The following ZFPM2 variants were observed in gnomAD, a reference collection of about 807,000 sequenced individuals.
ZFPM2 encodes zinc finger protein ZFPM2.
ZFPM2 carries 20 observed loss-of-function variants against 98.6 expected under a neutral mutation model. That is an observed-to-expected ratio of 0.20 (90% CI 0.14 to 0.29). The LOEUF (loss-of-function observed/expected upper bound fraction) is 0.29. Ranked by LOEUF, ZFPM2 falls within the 10% of genes least tolerant of loss-of-function variation. ZFPM2 has a pLI of 1.00. For missense variants in ZFPM2, 1,310 were observed against 1,388.6 expected, an observed-to-expected ratio of 0.94 and a Z score of 0.90; for synonymous variants, 518 against 502.7, an observed-to-expected ratio of 1.03 and a Z score of -0.41.
chr8:105,762,624 A>G (rs1279907113), intron 5 of ZFPM2, among the ~76,000 whole-genome samples: 1 of 151,930 alleles, frequency 6.6e-6, no homozygotes, highest in African/African-American at 2.4e-5. Flanking sequence ...TCTATTCAGG[A>G]GTGTCGTTCA....
intron 5 of ZFPM2, among the ~76,000 whole-genome samples, chr8:105,672,318 TA>T (rs1162790254): frequency 6.6e-6 from 1 of 151,826 alleles, no homozygotes; most frequent in East Asian, 1.9e-4. Flanking sequence ...CATTTATAAA[TA>T]ATATATTGGC....
intron 5 of ZFPM2, among the ~76,000 whole-genome samples, chr8:105,724,701 G>C (rs941337589): frequency 6.6e-6 from 1 of 151,774 alleles, no homozygotes; most frequent in Admixed American, 6.6e-5. Flanking sequence ...AATTTCTCTA[G>C]ACTGTGAATG....
chr8:105,479,209 G>A (rs1184646120), intron 3 of ZFPM2, among the ~76,000 whole-genome samples: 1 of 152,120 alleles, frequency 6.6e-6, no homozygotes, highest in African/African-American at 2.4e-5. Flanking sequence ...AATTCAGACC[G>A]ATTTGTGGAA....
intron 5 of ZFPM2, among the ~76,000 whole-genome samples, chr8:105,730,430 T>A (rs1811902561): frequency 6.6e-6 from 1 of 151,762 alleles, no homozygotes; most frequent in Non-Finnish European, 1.5e-5. Context: ...ATTTCTGCCT[T>A]CAGTTCAGTG....
In ZFPM2 at chr8:105,804,237, C is replaced by A. The variant is rs1427527269; in HGVS notation, c.*699C>A. 6.6e-6 allele frequency: 1 copy of A among 152,512 alleles called. No individual in the cohort carries two copies. Among genetic ancestry groups the A allele is most frequent in the Admixed American group, 6.6e-5 (1 of 15,258 alleles). The allele number at this position is 152,512 out of a possible 1,614,324, so 9.4% of individuals were successfully genotyped here. A position where few individuals can be genotyped will look rare whatever the true frequency, so the allele number is the denominator to read the frequency against. ...ATGCAGCTCTGTCTCAATTTTTAAACCTTTGCTGTTAAATGCAATACTTTA... is the reference window on the plus strand; with the variant it reads ...ATGCAGCTCTGTCTCAATTTTTAAAACTTTGCTGTTAAATGCAATACTTTA... On this transcript the variant is annotated 3_prime_UTR_variant, in exon 8 of 8. Transcript: ENST00000407775.
chr8:105,494,104 C>A (rs1813409683), intron 3 of ZFPM2, among the ~76,000 whole-genome samples: 1 of 148,518 alleles, frequency 6.7e-6, no homozygotes, highest in Non-Finnish European at 1.5e-5. Context: ...TCCTGGTGAT[C>A]TCACCCATAT....
rs146628859 is a variant in ZFPM2 at position 105,602,462 on chromosome 8, T to C, written c.421-31784T>C. On this transcript the variant is annotated intron_variant, in intron 4 of 7. Transcript: ENST00000407775. The stretch of plus-strand genomic sequence containing the variant: ...GCCGAATTATAACTGTTCCCACTTA[T>C]GTTCCCTACCTGACCTTCTCTAGAA... Among the ~76,000 whole-genome samples, 10 of 152,278 alleles carry C rather than the reference T, an allele frequency of 6.6e-5. No individual in the cohort carries two copies. In the East Asian group the frequency reaches 1.2e-3, roughly 18 times the overall value.
At chr8:105,728,349 A>T (rs1433804694) in intron 5 of ZFPM2, among the ~76,000 whole-genome samples, 1 of 151,724 alleles carries the variant, frequency 6.6e-6, no homozygotes, top group African/African-American at 2.4e-5. Context: ...CAGTGGCTTA[A>T]AACAATTTAT....
chr8:105,547,542 C>CAAAAAA (rs148322534), intron 3 of ZFPM2, among the ~76,000 whole-genome samples: 8 of 47,178 alleles, frequency 1.7e-4, no homozygotes, highest in African/African-American at 3.0e-4. Context: ...AACTCCATCT[C>CAAAAAA]AAAAAAAAAA....
intron 3 of ZFPM2, among the ~76,000 whole-genome samples, chr8:105,541,570 G>A (rs890685740): frequency 6.6e-6 from 1 of 152,106 alleles, no homozygotes; most frequent in Non-Finnish European, 1.5e-5. Flanking sequence ...TACTTTCTGA[G>A]GGAACTGAAA....
chr8:105,663,206 G>C (rs1817425968), intron 5 of ZFPM2, among the ~76,000 whole-genome samples: 2 of 152,158 alleles, frequency 1.3e-5, no homozygotes, highest in Admixed American at 6.5e-5. Flanking sequence ...TTCTGTTCCT[G>C]GCTTCATGGA....
intron 1 of ZFPM2, among the ~76,000 whole-genome samples, chr8:105,381,928 A>T (rs978832730): frequency 6.6e-6 from 1 of 152,144 alleles, no homozygotes; most frequent in Non-Finnish European, 1.5e-5. Context: ...CATTATTTCT[A>T]TGGATTGGTA....
At chr8:105,606,958 C>CCCT (rs1816209232) in intron 4 of ZFPM2, among the ~76,000 whole-genome samples, 1 of 152,036 alleles carries the variant, frequency 6.6e-6, no homozygotes, top group Non-Finnish European at 1.5e-5. Flanking sequence ...GCTTTTATCC[C>CCCT]CCTCCAAATT....
intron 1 of ZFPM2, among the ~76,000 whole-genome samples, chr8:105,370,384 AC>A (rs1182206763): frequency 3.3e-5 from 5 of 152,240 alleles, no homozygotes; most frequent in African/African-American, 4.8e-5. Context: ...CCAAATTGTG[AC>A]GTAATGAAAT....
intron 3 of ZFPM2, among the ~76,000 whole-genome samples, chr8:105,525,124 T>C (rs1814147208): frequency 6.6e-6 from 1 of 152,164 alleles, no homozygotes; most frequent in Admixed American, 6.5e-5. Context: ...CCCTATTCTT[T>C]TAAGCACCTC....
chr8:105,390,845 T>C (rs1040599307), intron 1 of ZFPM2, among the ~76,000 whole-genome samples: 1 of 152,116 alleles, frequency 6.6e-6, no homozygotes, highest in Admixed American at 6.5e-5. Context: ...TGATCCTAGA[T>C]TGGAAATATG....
At chr8:105,574,852 A>G (rs1294067640) in intron 4 of ZFPM2, among the ~76,000 whole-genome samples, 1 of 151,182 alleles carries the variant, frequency 6.6e-6, no homozygotes, top group Non-Finnish European at 1.5e-5. Flanking sequence ...GCAGCATATT[A>G]GTGCATTTAA....
At position 105,360,052 on chromosome 8, in the gene ZFPM2, A is replaced by T. The variant is rs1179861686; in HGVS notation, c.40+41071A>T. Among the ~76,000 whole-genome samples the T allele has an allele frequency of 3.3e-5, 5 of 152,300 alleles. No homozygotes were observed. In the East Asian group the frequency reaches 9.7e-4, roughly 29 times the overall value. ...TTATTCTGGCCCTATTTTGGCACTT[A>T]GGTTGGTTTCATTTTGGTACATGGC... On this transcript the variant is annotated intron_variant, in intron 1 of 7. Coordinates refer to ENST00000407775, the MANE Select transcript of ZFPM2 (RefSeq NM_012082.4).
chr8:105,692,389 C>A (rs1423737512), intron 5 of ZFPM2, among the ~76,000 whole-genome samples: 1 of 152,064 alleles, frequency 6.6e-6, no homozygotes, highest in Non-Finnish European at 1.5e-5. Flanking sequence ...GTAGGGGGTG[C>A]AAACTCAAAA....
Sources: gnomAD v4.1 joint callset for allele counts (sites outside exome capture counted in the v4.1 genomes callset) on GRCh38, gnomAD v4.1.1 for gene constraint, MANE v1.5 for transcripts, NCBI Gene and HGNC (gene_info 2026-07-23, HGNC 2026-07-21) for gene names.